RUBCN: variants seen among roughly 807,000 people sequenced by gnomAD.
The protein encoded by RUBCN is rubicon autophagy regulator.
In RUBCN, 74 loss-of-function variants were observed where a neutral mutation model predicts 113.2. The ratio of observed to expected loss-of-function variants is 0.65; its 90% CI spans 0.54 to 0.79. The LOEUF is 0.79. RUBCN is among the 30% of genes least tolerant of loss of function. The pLI, the probability that RUBCN is intolerant of heterozygous loss-of-function variation, is 0.00. For synonymous variants in RUBCN, 480 were observed against 490.0 expected (o/e 0.98, Z 0.27); for missense variants, 1,109 against 1,251.7 (o/e 0.89, Z 1.72).
At position 197,683,290 on chromosome 3, in the gene RUBCN, A is replaced by G; in HGVS notation, c.1980+17T>C. On this transcript the variant is annotated intron_variant, in intron 13 of 19. Transcript: ENST00000296343. The surrounding 1 kb of genome is among the most constrained non-coding windows in gnomAD (Gnocchi z 4.6). ...CTCACGATGGCCCCTGGGTAGGAAG[A>G]AGAGCTAAGGACCTACCTTCTGAGG... 6.2e-7 allele frequency: 1 copy of G among 1,614,194 alleles called. No individual in the cohort carries two copies. Among genetic ancestry groups the G allele is most frequent in the African/African-American group, 1.3e-5 (1 of 75,074 alleles).
chr3:197,718,162 T>C, intron 1 of RUBCN, 32 bp from the exon 2 acceptor site: 1 of 1,613,538 alleles, frequency 6.2e-7, no homozygotes, highest in South Asian at 1.1e-5. Context: ...CAATCGTTAG[T>C]TACCTTTGCT....
At position 197,730,568 on chromosome 3, in the gene RUBCN, A is replaced by ATT. The variant is rs1291161661; in HGVS notation, c.65+6085_65+6086dup. Among the ~76,000 whole-genome samples the ATT allele has an allele frequency of 9.7e-3, 1,342 of 138,622 alleles. 12 individuals are homozygous for ATT. Among genetic ancestry groups the ATT allele is most frequent in the Non-Finnish European group, 0.012 (796 of 63,952 alleles). The allele number at this position is 138,622 out of a possible 152,430, so 90.9% of individuals were successfully genotyped here. On this transcript the variant is annotated intron_variant, in intron 1 of 19. Coordinates refer to ENST00000296343, the MANE Select transcript of RUBCN (RefSeq NM_014687.4). Reference sequence around the variant, plus strand: ...TTTCTGAAGCAACAGTACACCCTAGATTTTTTTTTTTTTTTTTTGAGAGAG... The same window carrying ATT: ...TTTCTGAAGCAACAGTACACCCTAGATTTTTTTTTTTTTTTTTTTTGAGAGAG...
At chr3:197,706,064 G>A (rs1334973497) in intron 2 of RUBCN, among the ~76,000 whole-genome samples, 1 of 152,114 alleles carries the variant, frequency 6.6e-6, no homozygotes, top group Non-Finnish European at 1.5e-5. Flanking sequence ...CTACCGTTCT[G>A]TTTTCTAAAA....
chr3:197,723,870 A>C (rs1726439422), intron 1 of RUBCN, among the ~76,000 whole-genome samples: 1 of 151,924 alleles, frequency 6.6e-6, no homozygotes, highest in African/African-American at 2.4e-5. Flanking sequence ...TGAGGCAGGC[A>C]GATCACCTGA....
intron 2 of RUBCN, among the ~76,000 whole-genome samples, chr3:197,708,373 T>G (rs2108928837): frequency 6.6e-6 from 1 of 152,098 alleles, no homozygotes; most frequent in East Asian, 1.9e-4. Context: ...TGAACTCAGG[T>G]GATCCACCCA....
intron 11 of RUBCN, chr3:197,691,056 G>C (rs192442773): frequency 7.8e-7 from 1 of 1,274,364 alleles, no homozygotes; most frequent in African/African-American, 1.5e-5. Flanking sequence ...GCACATCCAC[G>C]CTTGCAAAGT....
At chr3:197,718,434 T>C (rs1421908398) in intron 1 of RUBCN, among the ~76,000 whole-genome samples, 1 of 152,168 alleles carries the variant, frequency 6.6e-6, no homozygotes, top group Non-Finnish European at 1.5e-5. Context: ...CCTAACTTTA[T>C]AGGGGTATAA....
chr3:197,710,619 A>C (rs931435974), intron 2 of RUBCN, among the ~76,000 whole-genome samples: 15 of 151,990 alleles, frequency 9.9e-5, no homozygotes, highest in Non-Finnish European at 7.4e-5. Context: ...AAAAAGAAAG[A>C]AATGTCAACA....
intron 2 of RUBCN, among the ~76,000 whole-genome samples, chr3:197,708,422 C>T (rs1053031961): frequency 6.6e-6 from 1 of 151,992 alleles, no homozygotes; most frequent in African/African-American, 2.4e-5. Flanking sequence ...AGGCGTAAGC[C>T]ACCACACCCG....
intron 1 of RUBCN, among the ~76,000 whole-genome samples, chr3:197,744,131 A>G (rs139876666): frequency 2.0e-5 from 3 of 152,182 alleles, no homozygotes; most frequent in Non-Finnish European, 2.9e-5. Context: ...TGATTTCTAG[A>G]TATCCTCTTT....
chr3:197,729,447 G>A (rs1213768373), intron 1 of RUBCN, among the ~76,000 whole-genome samples: 1 of 152,078 alleles, frequency 6.6e-6, no homozygotes, highest in African/African-American at 2.4e-5. Flanking sequence ...TAGAGACGGG[G>A]TTTCACCATG....
At chr3:197,721,335 C>T (rs561482454) in intron 1 of RUBCN, among the ~76,000 whole-genome samples, 21 of 152,200 alleles carry the variant, frequency 1.4e-4, no homozygotes, top group African/African-American at 5.1e-4. Flanking sequence ...GATTCAGTGT[C>T]GGTAAGCTGT....
chr3:197,723,882 G>A (rs563944052), intron 1 of RUBCN, among the ~76,000 whole-genome samples: 1 of 151,882 alleles, frequency 6.6e-6, no homozygotes, highest in Non-Finnish European at 1.5e-5. Context: ...ATCACCTGAG[G>A]TCAGGAGTTC....
In RUBCN at chr3:197,675,277, C is replaced by G. The variant is rs1720240593; in HGVS notation, c.2741-81G>C. 6.4e-7 allele frequency: 1 copy of G among 1,573,158 alleles called. No individual in the cohort carries two copies. Among genetic ancestry groups the G allele is most frequent in the Admixed American group, 1.7e-5 (1 of 59,978 alleles). The stretch of plus-strand genomic sequence containing the variant: ...TAGAGGTCAGTTGCTGCCACAGCCC[C>G]TTCTCGCCACCAAGGCGTGGTGTCC... On this transcript the variant is annotated intron_variant, in intron 19 of 19. Transcript: ENST00000296343. This position sits in a 1 kb window ranked among gnomAD's most constrained non-coding sequence, Gnocchi z 4.4.
intron 1 of RUBCN, among the ~76,000 whole-genome samples, chr3:197,731,700 G>A (rs1727504085): frequency 6.6e-6 from 1 of 150,836 alleles, no homozygotes; most frequent in Admixed American, 6.6e-5. Context: ...GGGGCAGCCG[G>A]GCAGAGGCGC....
At chr3:197,731,889 A>C (rs1727542903) in intron 1 of RUBCN, among the ~76,000 whole-genome samples, 1 of 152,386 alleles carries the variant, frequency 6.6e-6, no homozygotes, top group East Asian at 1.9e-4. Flanking sequence ...TAGTACTATA[A>C]GCCATTATAT....
At chr3:197,704,739 T>C in intron 3 of RUBCN, 38 bp from the exon 4 acceptor site, 1 of 1,608,302 alleles carries the variant, frequency 6.2e-7, no homozygotes, top group East Asian at 2.2e-5. Flanking sequence ...ACACACATCC[T>C]GGTAGATACG....
intron 1 of RUBCN, among the ~76,000 whole-genome samples, chr3:197,722,756 T>A (rs931161578): frequency 1.3e-5 from 2 of 152,148 alleles, no homozygotes; most frequent in African/African-American, 4.8e-5. Flanking sequence ...AAGTCTATTT[T>A]CTCTGATATA....
At position 197,669,986 on chromosome 3, in the gene RUBCN, T is replaced by C. The variant is rs149208286; in HGVS notation, c.*5032A>G. 0.085 allele frequency among the ~76,000 whole-genome samples: 12,904 copies of C among 152,214 alleles called. 650 individuals carry two copies. Among genetic ancestry groups the C allele is most frequent in the Middle Eastern group, 0.12 (34 of 294 alleles). ...TCACTGCAACCTCCGCCACCCGGGTTCAAGCAATTCTCCTGTCTCAACCTC... is the reference window on the plus strand; with the variant it reads ...TCACTGCAACCTCCGCCACCCGGGTCCAAGCAATTCTCCTGTCTCAACCTC... On this transcript the variant is annotated 3_prime_UTR_variant, in exon 20 of 20. Coordinates refer to ENST00000296343, the MANE Select transcript of RUBCN (RefSeq NM_014687.4).
Sources: allele counts gnomAD v4.1 joint callset (sites outside exome capture counted in the v4.1 genomes callset), GRCh38; gene constraint gnomAD v4.1.1; non-coding constraint Gnocchi (gnomAD v3.1); transcripts MANE v1.5; gene names NCBI Gene and HGNC (gene_info 2026-07-23, HGNC 2026-07-21).